PLAAT4: variants seen among roughly 807,000 people sequenced by gnomAD.
The protein encoded by PLAAT4 is HRAS-like suppressor 4.
Under a neutral mutation model 14.1 loss-of-function variants are expected in PLAAT4, and 12 were observed. That is an observed-to-expected ratio of 0.85 (90% CI 0.54 to 1.37). The LOEUF is 1.37. Ranked by LOEUF, PLAAT4 falls within the 40% of genes most tolerant of loss-of-function variation. The pLI is 0.00. For missense variants in PLAAT4, 163 were observed against 211.7 expected (o/e 0.77, Z 1.43); for synonymous variants, 77 against 79.8 (o/e 0.96, Z 0.19).
At chr11:63,537,045 T>C (rs1171428342) in intron 1 of PLAAT4, among the ~76,000 whole-genome samples, 168 bp downstream of exon 1, 1 of 152,318 alleles carries the variant, frequency 6.6e-6, no homozygotes, top group East Asian at 1.9e-4. Context: ...TCTGCCCAGC[T>C]GGACAGGGAG....
intron 1 of PLAAT4, 148 bp downstream of exon 1, chr11:63,537,025 TA>T: frequency 9.7e-7 from 1 of 1,027,796 alleles, no homozygotes; most frequent in African/African-American, 1.6e-5. Flanking sequence ...ATTTGTCTTT[TA>T]AAAGTGCATC....
At chr11:63,542,875 A>G (rs2017332570) in intron 2 of PLAAT4, among the ~76,000 whole-genome samples, 1 of 152,236 alleles carries the variant, frequency 6.6e-6, no homozygotes, top group South Asian at 2.1e-4. Context: ...TGTTATCCTG[A>G]TTACAGTGTA....
At chr11:63,539,968 T>TA in intron 2 of PLAAT4, among the ~76,000 whole-genome samples, 1 of 152,096 alleles carries the variant, frequency 6.6e-6, no homozygotes. Flanking sequence ...TCTCAAAAAA[T>TA]AAAAAAATAA....
intron 1 of PLAAT4, among the ~76,000 whole-genome samples, chr11:63,537,737 T>G (rs1254858091): frequency 6.6e-6 from 1 of 152,154 alleles, no homozygotes; most frequent in East Asian, 1.9e-4. Context: ...TGCCCTGACA[T>G]ACAGAGGAGG....
At chr11:63,546,065 G>T in intron 3 of PLAAT4, 84 bp from the exon 4 acceptor site, 2 of 1,064,952 alleles carry the variant, frequency 1.9e-6, no homozygotes, top group Admixed American at 3.4e-5. Context: ...GAGGGGAGAG[G>T]GAGAGGAGTT....
chr11:63,540,120 C>G (rs79273752), intron 2 of PLAAT4, among the ~76,000 whole-genome samples: 1 of 152,230 alleles, frequency 6.6e-6, no homozygotes, highest in African/African-American at 2.4e-5. Flanking sequence ...CCTGGCAGAA[C>G]GGAAGAAGAG....
At chr11:63,545,586 G>A (rs767536645) in intron 3 of PLAAT4, among the ~76,000 whole-genome samples, 4 of 152,110 alleles carry the variant, frequency 2.6e-5, no homozygotes, top group Non-Finnish European at 5.9e-5. Context: ...AGGCCCAGGT[G>A]GAGATAAGGC....
chr11:63,538,289 G>T, intron 1 of PLAAT4: 1 of 322,312 alleles, frequency 3.1e-6, no homozygotes, highest in Non-Finnish European at 6.2e-6. Context: ...GTCATGGCCA[G>T]ATGTGCCCTT....
At chr11:63,546,043 G>C in intron 3 of PLAAT4, 106 bp from the exon 4 acceptor site, 1 of 890,632 alleles carries the variant, frequency 1.1e-6, no homozygotes, top group Non-Finnish European at 1.9e-6. Context: ...AGGCCTTAGG[G>C]GAGGCAGGAG....
chr11:63,546,052 A>C (rs1467074131), intron 3 of PLAAT4, 97 bp from the exon 4 acceptor site: 43 of 953,866 alleles, frequency 4.5e-5, no homozygotes, highest in Non-Finnish European at 7.2e-5. Flanking sequence ...GGGAGGCAGG[A>C]GAGAGGGGAG....
In PLAAT4 at chr11:63,538,098, G is replaced by A. The variant is rs537460901; in HGVS notation, c.9+1221G>A. 9.9e-5 allele frequency among the ~76,000 whole-genome samples: 15 copies of A among 152,268 alleles called. No individual in the cohort carries two copies. The South Asian group carries it at 2.7e-3, about 27-fold the overall frequency. ...GCTGCAGGGAAGTGATGGAGGCAGG[G>A]AGAACCAGATGTGCAGAGCAGCAGA... On this transcript the variant is annotated intron_variant, in intron 1 of 3. Transcript: ENST00000255688.
intron 2 of PLAAT4, among the ~76,000 whole-genome samples, chr11:63,542,051 T>A (rs921055290): frequency 2.6e-5 from 4 of 152,162 alleles, no homozygotes; most frequent in African/African-American, 7.2e-5. Context: ...AATATGTACC[T>A]TATATATAAA....
At chr11:63,538,966 C>T (rs1035056690) in intron 1 of PLAAT4, among the ~76,000 whole-genome samples, 1 of 152,168 alleles carries the variant, frequency 6.6e-6, no homozygotes, top group African/African-American at 2.4e-5. Flanking sequence ...CAGCAGGATG[C>T]TGTGAGCTCC....
In PLAAT4 at chr11:63,544,826, T is replaced by C. The variant is rs1384147524; in HGVS notation, c.324T>C (p.Ile108=). 1.9e-6 allele frequency: 3 copies of C among 1,614,090 alleles called. No homozygotes were observed. The highest frequency in any genetic ancestry group is 1.7e-6 in the Non-Finnish European group (2 of 1,180,056). The change falls in exon 3 of 4, where the codon ATT becomes ATC. Residue 108 remains isoleucine, a synonymous_variant. Transcript: ENST00000255688. The part of the protein sequence containing the change: ...EMVGQKMKYS[I]VSRNCEHFVT... ...TTGGTCAGAAGATGAAGTACAGTAT[T>C]GTGAGCAGGAACTGTGAGCACTTTG...
chr11:63,546,028 A>T lies in PLAAT4; in HGVS notation c.388-121A>T. 4 of 796,620 alleles carry T rather than the reference A, an allele frequency of 5.0e-6. No homozygotes were observed. In the Admixed American group the frequency reaches 8.1e-5, roughly 16 times the overall value. The allele number at this position is 796,620 out of a possible 1,614,324, so 49.3% of individuals were successfully genotyped here. ...AGCCAGCTGGGAGAGAAGAGAGGAG[A>T]TGCCAGGCCTTAGGGGAGGCAGGAG... On this transcript the variant is annotated intron_variant, in intron 3 of 3. Transcript: ENST00000255688.
intron 2 of PLAAT4, among the ~76,000 whole-genome samples, chr11:63,541,084 T>C (rs2017317823): frequency 6.6e-6 from 1 of 152,024 alleles, no homozygotes; most frequent in Non-Finnish European, 1.5e-5. Context: ...TGATGGAAAA[T>C]AGTAAATCAA....
At position 63,537,014 on chromosome 11, in the gene PLAAT4, T is replaced by C. The variant is rs1590662329; in HGVS notation, c.9+137T>C. ...TTTAGAAGGCTGTCATGGAAAACTG[T>C]ATTTGTCTTTTAAAAGTGCATCTGC... On this transcript the variant is annotated intron_variant, in intron 1 of 3. Coordinates refer to ENST00000255688, the MANE Select transcript of PLAAT4 (RefSeq NM_004585.5). The C allele has an allele frequency of 2.7e-6, 3 of 1,121,180 alleles. No homozygotes were observed. In the East Asian group the frequency reaches 7.8e-5, roughly 29 times the overall value. 69.5% of individuals were successfully genotyped at this position (1,121,180 alleles called of 1,614,324 possible).
intron 1 of PLAAT4, chr11:63,538,295 C>T (rs1053949119): frequency 1.8e-5 from 6 of 325,138 alleles, no homozygotes; most frequent in Non-Finnish European, 3.1e-5. Flanking sequence ...GCCAGATGTG[C>T]CCTTGGGAAG....
In PLAAT4 at chr11:63,546,338, C is replaced by T. The variant is rs2017366716; in HGVS notation, c.*82C>T. On this transcript the variant is annotated 3_prime_UTR_variant, in exon 4 of 4. Coordinates refer to ENST00000255688, the MANE Select transcript of PLAAT4 (RefSeq NM_004585.5). ...CTCCCCCATGCCTCCAGCAGCCTGACCCTCGTGCCCTGTCTCAGGCGTTCT... is the reference window on the plus strand; with the variant it reads ...CTCCCCCATGCCTCCAGCAGCCTGATCCTCGTGCCCTGTCTCAGGCGTTCT... 2.4e-6 allele frequency: 3 copies of T among 1,249,802 alleles called. No homozygotes were observed. The highest frequency in any genetic ancestry group is 1.2e-5 in the South Asian group (1 of 82,276). 77.4% of individuals were successfully genotyped at this position (1,249,802 alleles called of 1,614,324 possible). A position where few individuals can be genotyped will look rare whatever the true frequency, so the allele number is the denominator to read the frequency against.
Sources: gnomAD v4.1 joint callset for allele counts (sites outside exome capture counted in the v4.1 genomes callset) on GRCh38, gnomAD v4.1.1 for gene constraint, MANE v1.5 for transcripts, NCBI Gene and HGNC (gene_info 2026-07-23, HGNC 2026-07-21) for gene names.